EDA: variants seen among roughly 807,000 people sequenced by gnomAD.
The protein encoded by EDA is ectodysplasin-A.
EDA carries 2 observed loss-of-function variants against 23.6 expected under a neutral mutation model. The ratio of observed to expected loss-of-function variants is 0.08; its 90% CI spans 0.03 to 0.27. The LOEUF (loss-of-function observed/expected upper bound fraction) is 0.27. EDA is among the 10% of genes least tolerant of loss of function. The pLI, the probability that EDA is intolerant of heterozygous loss-of-function variation, is 1.00. For synonymous variants in EDA, 131 were observed against 132.0 expected (o/e 0.99, Z 0.05); for missense variants, 229 against 324.2 (o/e 0.71, Z 2.26).
intron 1 of EDA, among the ~76,000 whole-genome samples, chrX:69,817,566 A>G (rs2016111379): frequency 8.9e-6 from 1 of 112,529 alleles, no homozygotes; most frequent in African/African-American, 3.2e-5. Flanking sequence ...CAAAGGTTGC[A>G]ATACTAGTTT....
chrX:69,892,727 G>A (rs2017952441), intron 1 of EDA, among the ~76,000 whole-genome samples: 1 of 111,762 alleles, frequency 8.9e-6, no homozygotes, highest in African/African-American at 3.2e-5. Context: ...TTGAAAACCA[G>A]ATGCTCTGGC....
chrX:69,652,275 G>T (rs1331021303), intron 1 of EDA, among the ~76,000 whole-genome samples: 2 of 111,535 alleles, frequency 1.8e-5, no homozygotes, highest in Non-Finnish European at 3.8e-5. Context: ...GATTACAATG[G>T]CAAACCACTG....
chrX:69,625,990 A>C (rs1164245546), intron 1 of EDA, among the ~76,000 whole-genome samples: 3 of 111,759 alleles, frequency 2.7e-5, no homozygotes, highest in Admixed American at 1.9e-4. Flanking sequence ...CAAACAAAAA[A>C]ATGAGCAAAA....
intron 1 of EDA, among the ~76,000 whole-genome samples, chrX:69,630,195 A>C (rs1485774126): frequency 9.0e-6 from 1 of 111,159 alleles, no homozygotes; most frequent in Non-Finnish European, 1.9e-5. Context: ...GGAGGGGGAG[A>C]AAATGGAGGG....
rs4007701 is a variant in EDA at position 69,929,706 on chromosome X, T to TTGTGTG, written c.397-27278_397-27273dup. ...GAAAACACTTCACTTCATTCTATTT[T>TTGTGTG]TGTGTGTGTGTGTGTGTGTGTGTGT... is the stretch of plus-strand genomic sequence containing the variant. On this transcript the variant is annotated intron_variant, in intron 1 of 7. Coordinates refer to ENST00000374552, the MANE Select transcript of EDA (RefSeq NM_001399.5). 3.9e-3 allele frequency among the ~76,000 whole-genome samples: 331 copies of TTGTGTG among 84,324 alleles called. 1 individual carries two copies. The highest frequency in any genetic ancestry group is 9.8e-3 in the East Asian group (25 of 2,549). 73.2% of individuals were successfully genotyped at this position (84,324 alleles called of 115,157 possible).
intron 1 of EDA, among the ~76,000 whole-genome samples, chrX:69,745,381 G>A (rs1044913135): frequency 1.8e-4 from 20 of 111,499 alleles, no homozygotes; most frequent in African/African-American, 6.5e-4. Context: ...TGGTAAAAAG[G>A]TAGTTCTTGT....
chrX:69,833,219 T>C (rs968096187), intron 1 of EDA, among the ~76,000 whole-genome samples: 2 of 111,964 alleles, frequency 1.8e-5, no homozygotes, highest in African/African-American at 6.5e-5. Context: ...GTTCCATCAA[T>C]ACCTAATTTA....
chrX:69,838,554 G>A (rs1287215586), intron 1 of EDA, among the ~76,000 whole-genome samples: 3 of 112,560 alleles, frequency 2.7e-5, no homozygotes, highest in Non-Finnish European at 3.8e-5. Context: ...ATGAACCCAG[G>A]AGGCGGTGCT....
chrX:70,035,819 G>A lies in EDA; in HGVS notation c.*210G>A. 1 of 456,735 alleles carries A rather than the reference G, an allele frequency of 2.2e-6. No homozygotes were observed. The highest frequency in any genetic ancestry group is 3.7e-6 in the Non-Finnish European group (1 of 269,195). 37.6% of individuals were successfully genotyped at this position (456,735 alleles called of 1,213,427 possible). On this transcript the variant is annotated 3_prime_UTR_variant, in exon 8 of 8. Coordinates refer to ENST00000374552, the MANE Select transcript of EDA (RefSeq NM_001399.5). Reference sequence around the variant, plus strand: ...TTGAGTTAACAGGACAGTTGATGGAGCCCCAGGGTTTACATGAAGCAGAAC... The same window carrying A: ...TTGAGTTAACAGGACAGTTGATGGAACCCCAGGGTTTACATGAAGCAGAAC...
chrX:69,709,152 A>G (rs890079630), intron 1 of EDA, among the ~76,000 whole-genome samples: 2 of 111,679 alleles, frequency 1.8e-5, no homozygotes, highest in African/African-American at 6.5e-5. Flanking sequence ...GTAAGTTTGG[A>G]CCTTTGTGAA....
At chrX:69,806,426 T>C (rs1047989721) in intron 1 of EDA, among the ~76,000 whole-genome samples, 2 of 110,958 alleles carry the variant, frequency 1.8e-5, no homozygotes, top group African/African-American at 3.3e-5. Flanking sequence ...TGAGACTCTT[T>C]TGTATTTAGT....
chrX:69,831,949 A>G (rs147766358), intron 1 of EDA, among the ~76,000 whole-genome samples: 6,683 of 110,978 alleles, frequency 0.06, 203 homozygotes, highest in Middle Eastern at 0.093. Flanking sequence ...CCTTTGTCAG[A>G]TGGGTAGACG....
intron 1 of EDA, among the ~76,000 whole-genome samples, chrX:69,938,241 G>A (rs977711959): frequency 7.2e-5 from 8 of 110,852 alleles, no homozygotes; most frequent in African/African-American, 9.8e-5. Context: ...ACCGTGGTGC[G>A]CTGTCACTTT....
intron 2 of EDA, among the ~76,000 whole-genome samples, chrX:69,972,991 A>ACTAAGCTAAT (rs768397933): frequency 2.7e-5 from 3 of 111,731 alleles, no homozygotes; most frequent in African/African-American, 6.5e-5. Flanking sequence ...GCTATAACTA[A>ACTAAGCTAAT]CTAAGCTAAT....
At chrX:69,753,956 T>A (rs2014001437) in intron 1 of EDA, among the ~76,000 whole-genome samples, 1 of 110,645 alleles carries the variant, frequency 9.0e-6, no homozygotes, top group Admixed American at 9.7e-5. Context: ...ATTTTGAGCC[T>A]ATGTGTGTTT....
intron 1 of EDA, among the ~76,000 whole-genome samples, chrX:69,737,372 C>T (rs910314616): frequency 1.8e-5 from 2 of 111,538 alleles, no homozygotes; most frequent in East Asian, 5.6e-4. Context: ...TTAATTTTAT[C>T]TCCACTGTTG....
intron 1 of EDA, among the ~76,000 whole-genome samples, chrX:69,832,313 G>C (rs946787550): frequency 1.8e-5 from 2 of 111,578 alleles, no homozygotes; most frequent in African/African-American, 6.5e-5. Flanking sequence ...CCCATTTCTT[G>C]TATTTGTCAA....
intron 1 of EDA, among the ~76,000 whole-genome samples, chrX:69,705,471 G>A (rs939551616): frequency 9.0e-6 from 1 of 111,675 alleles, no homozygotes; most frequent in Non-Finnish European, 1.9e-5. Context: ...TTACTCTGAA[G>A]ATATCTCTTT....
At chrX:69,940,067 G>T (rs975243823) in intron 1 of EDA, among the ~76,000 whole-genome samples, 3 of 111,127 alleles carry the variant, frequency 2.7e-5, no homozygotes, top group African/African-American at 6.5e-5. Flanking sequence ...ATGTGTTTTT[G>T]TCTGGTTTTG....
Sources: gnomAD v4.1 joint callset for allele counts (sites outside exome capture counted in the v4.1 genomes callset) on GRCh38, gnomAD v4.1.1 for gene constraint, MANE v1.5 for transcripts, NCBI Gene and HGNC (gene_info 2026-07-23, HGNC 2026-07-21) for gene names.